FSD2: variants seen among roughly 807,000 people sequenced by gnomAD.
FSD2 encodes the protein fibronectin type III and SPRY domain-containing protein 2.
Under a neutral mutation model 80.4 loss-of-function variants are expected in FSD2, and 71 were observed. That is an observed-to-expected ratio of 0.88 (90% CI 0.73 to 1.08). The LOEUF is 1.08. FSD2 is among the 50% of genes least tolerant of loss of function. The pLI, the probability that FSD2 is intolerant of heterozygous loss-of-function variation, is 0.00. For missense variants in FSD2, 923 were observed against 913.8 expected, an observed-to-expected ratio of 1.01 and a Z score of -0.13; for synonymous variants, 361 against 329.5, an observed-to-expected ratio of 1.10 and a Z score of -1.03.
chr15:82,768,622 AT>A (rs1413841738), intron 9 of FSD2, among the ~76,000 whole-genome samples: 2 of 152,148 alleles, frequency 1.3e-5, no homozygotes, highest in Non-Finnish European at 2.9e-5. Context: ...GAATGAATGA[AT>A]GGGAAACCTT....
intron 4 of FSD2, among the ~76,000 whole-genome samples, chr15:82,782,564 G>A (rs369228156): frequency 6.6e-6 from 1 of 152,180 alleles, no homozygotes; most frequent in Non-Finnish European, 1.5e-5. Flanking sequence ...GAGAGTCTGC[G>A]CTGTGAGTCC....
At chr15:82,772,268 G>C (rs2049600570) in intron 6 of FSD2, 40 bp from the exon 7 acceptor site, 6 of 1,565,398 alleles carry the variant, frequency 3.8e-6, no homozygotes, top group East Asian at 2.4e-5. Flanking sequence ...ACCTCTAATA[G>C]AGGTGTGGGG....
At chr15:82,798,289 G>A (rs1029152332) in intron 1 of FSD2, among the ~76,000 whole-genome samples, 10 of 152,124 alleles carry the variant, frequency 6.6e-5, no homozygotes, top group African/African-American at 2.4e-4. Context: ...AGGCTGCAGT[G>A]AGCTATTATC....
At position 82,787,232 on chromosome 15, in the gene FSD2, A is replaced by G; in HGVS notation, c.159T>C (p.Asn53=). Reference sequence around the variant, plus strand: ...TACCATCCCCTGCTCCTCTTGACTCATTGGCCATTTCAGCTTGGACTACTT... The same window carrying G: ...TACCATCCCCTGCTCCTCTTGACTCGTTGGCCATTTCAGCTTGGACTACTT... ...MRKVVQAEMA[N]ESRGAGDGKA... The change falls in exon 2 of 13, where the codon AAT becomes AAC. Residue 53 remains asparagine, a synonymous_variant. Coordinates refer to ENST00000334574, the MANE Select transcript of FSD2 (RefSeq NM_001007122.4). 1.2e-6 allele frequency: 2 copies of G among 1,613,766 alleles called. No individual in the cohort carries two copies. The highest frequency in any genetic ancestry group is 2.7e-5 in the African/African-American group (2 of 74,946).
chr15:82,755,875 A>G lies in FSD2; in HGVS notation c.*3473T>C, dbSNP rs1200381573. On this transcript the variant is annotated 3_prime_UTR_variant, in exon 13 of 13. Transcript: ENST00000334574. ...AATCTCCTATAGCTTGAAGTTATAC[A>G]TGATCTTTATTTGAGTATCTTGACT... 2.3e-6 allele frequency: 1 copy of G among 439,218 alleles called. No individual in the cohort carries two copies. Among genetic ancestry groups the G allele is most frequent in the South Asian group, 1.8e-5 (1 of 56,178 alleles). The allele number at this position is 439,218 out of a possible 1,614,324, so 27.2% of individuals were successfully genotyped here. A position where few individuals can be genotyped will look rare whatever the true frequency, so the allele number is the denominator to read the frequency against.
intron 3 of FSD2, among the ~76,000 whole-genome samples, chr15:82,785,604 G>A (rs1345033386): frequency 3.3e-5 from 5 of 152,118 alleles, no homozygotes; most frequent in South Asian, 2.1e-4. Context: ...GATTACAGGC[G>A]TTAGCCACCG....
chr15:82,802,258 T>C (rs2050431703), intron 1 of FSD2, among the ~76,000 whole-genome samples: 1 of 152,144 alleles, frequency 6.6e-6, no homozygotes, highest in African/African-American at 2.4e-5. Context: ...CCTCCATACA[T>C]ACCAGACCCA....
rs188945805 is a variant in FSD2 at position 82,772,940 on chromosome 15, C to T, written c.1112-712G>A. On this transcript the variant is annotated intron_variant, in intron 6 of 12. Transcript: ENST00000334574. ...TCGGCTCACTGCAGCCTCCACATCCCGATTCAAGTGATTCTTGTGCCTCAG... is the reference window on the plus strand; with the variant it reads ...TCGGCTCACTGCAGCCTCCACATCCTGATTCAAGTGATTCTTGTGCCTCAG... Among the ~76,000 whole-genome samples, 19 of 152,262 alleles carry T rather than the reference C, an allele frequency of 1.2e-4. 1 individual carries two copies. The highest frequency in any genetic ancestry group is 4.1e-4 in the South Asian group (2 of 4,824).
intron 6 of FSD2, among the ~76,000 whole-genome samples, chr15:82,774,406 C>T (rs1229199669): frequency 1.3e-5 from 2 of 152,230 alleles, no homozygotes; most frequent in East Asian, 3.9e-4. Context: ...CTACTTGGCA[C>T]CATGTAATAT....
chr15:82,782,041 G>T (rs1019627431), intron 4 of FSD2, among the ~76,000 whole-genome samples: 18 of 144,938 alleles, frequency 1.2e-4, no homozygotes, highest in African/African-American at 4.6e-4. Flanking sequence ...TCCAGCCTGG[G>T]CAACAGAGCG....
intron 12 of FSD2, among the ~76,000 whole-genome samples, chr15:82,761,705 G>A (rs1404587646): frequency 2.0e-5 from 3 of 147,274 alleles, no homozygotes; most frequent in Admixed American, 6.8e-5. Context: ...TTTTAGAGAC[G>A]GGGTCTTGCT....
chr15:82,759,439 TC>T lies in FSD2; in HGVS notation c.2158del (p.Glu720AsnfsTer15), dbSNP rs1289022150. The T allele has an allele frequency of 1.9e-6, 3 of 1,613,768 alleles. No individual in the cohort carries two copies. The highest frequency in any genetic ancestry group is 3.3e-5 in the Admixed American group (2 of 60,008). ...HLYTFSCQLH[E>X]FVHPCFSLEK... is the part of the protein sequence containing the mutation. ...CAAAGAAAAACAGGGATGCACAAAT[TC>T]GTGAAGCTGACAACTAAATGTATAT... On this transcript the variant is annotated frameshift_variant, in exon 13 of 13. Transcript: ENST00000334574. LOFTEE classifies it high-confidence loss of function.
intron 3 of FSD2, among the ~76,000 whole-genome samples, chr15:82,783,786 G>T (rs1442889135): frequency 6.6e-6 from 1 of 152,098 alleles, no homozygotes; most frequent in African/African-American, 2.4e-5. Flanking sequence ...CAAATATCAA[G>T]ATTAAATCAA....
At chr15:82,786,670 C>T (rs1008022927) in intron 2 of FSD2, 64 bp from the exon 3 acceptor site, 40 of 1,603,652 alleles carry the variant, frequency 2.5e-5, no homozygotes, top group East Asian at 4.5e-5. Flanking sequence ...TTGTAGAAGG[C>T]GTTTTAGATT....
chr15:82,778,605 G>A (rs773212122), intron 6 of FSD2, among the ~76,000 whole-genome samples, 161 bp downstream of exon 6: 1 of 152,190 alleles, frequency 6.6e-6, no homozygotes, highest in Non-Finnish European at 1.5e-5. Context: ...GTAAGTTCTA[G>A]AGGTATGCTG....
In FSD2 at chr15:82,774,873, C is replaced by T. The variant is rs2049676080; in HGVS notation, c.1112-2645G>A. 7.9e-5 allele frequency among the ~76,000 whole-genome samples: 12 copies of T among 151,836 alleles called. 1 individual carries two copies. In the South Asian group the frequency reaches 2.5e-3, roughly 32 times the overall value. On this transcript the variant is annotated intron_variant, in intron 6 of 12. Transcript: ENST00000334574. ...AGTAGTTGGGATTACAGGCACGTGC[C>T]ACCACAGCCAGCTAATTTTTGTATT...
intron 1 of FSD2, chr15:82,796,137 G>T (rs1343935625): frequency 6.6e-6 from 1 of 151,944 alleles, no homozygotes; most frequent in East Asian, 1.9e-4. Flanking sequence ...AAGTAGCTGG[G>T]ATTACAGGCA....
chr15:82,776,336 T>C (rs2049712587), intron 6 of FSD2, among the ~76,000 whole-genome samples: 1 of 152,220 alleles, frequency 6.6e-6, no homozygotes, highest in Non-Finnish European at 1.5e-5. Context: ...ATTTCATTCT[T>C]TTTAAATTTG....
chr15:82,765,761 A>C, intron 10 of FSD2, 137 bp downstream of exon 10: 1 of 1,079,732 alleles, frequency 9.3e-7, no homozygotes, highest in Non-Finnish European at 1.3e-6. Context: ...GACACCCCTG[A>C]ACTCCTTCTG....
Sources: allele counts gnomAD v4.1 joint callset (sites outside exome capture counted in the v4.1 genomes callset), GRCh38; gene constraint gnomAD v4.1.1; transcripts MANE v1.5; gene names NCBI Gene and HGNC (gene_info 2026-07-23, HGNC 2026-07-21).